MCTP2: variants seen among roughly 807,000 people sequenced by gnomAD.
MCTP2 encodes the protein multiple C2 and transmembrane domain containing 2, also known as multiple C2 and transmembrane domain-containing protein 2.
A neutral mutation model predicts 111.6 loss-of-function variants in MCTP2; 132 were observed. The observed-to-expected ratio is 1.18, with a 90% CI of 1.03 to 1.37. MCTP2 has a LOEUF of 1.37. Ranked by LOEUF, MCTP2 falls within the 40% of genes most tolerant of loss-of-function variation. MCTP2 has a pLI of 0.00. For synonymous variants in MCTP2, 395 were observed against 387.7 expected (o/e 1.02, Z -0.22); for missense variants, 1,183 against 1,067.9 (o/e 1.11, Z -1.50).
intron 4 of MCTP2, among the ~76,000 whole-genome samples, chr15:94,338,636 C>T (rs907918301): frequency 3.9e-5 from 6 of 152,064 alleles, no homozygotes; most frequent in African/African-American, 7.2e-5. Context: ...AGGGAGGAGC[C>T]GGGCGGGTCA....
chr15:94,375,779 A>G (rs1028981159), intron 12 of MCTP2, among the ~76,000 whole-genome samples: 12 of 152,222 alleles, frequency 7.9e-5, no homozygotes, highest in African/African-American at 2.7e-4. Flanking sequence ...AATCTAGGTT[A>G]TTATAAAGTA....
intron 12 of MCTP2, among the ~76,000 whole-genome samples, chr15:94,371,091 A>G (rs903539581): frequency 2.6e-5 from 4 of 151,820 alleles, no homozygotes; most frequent in Admixed American, 6.6e-5. Context: ...TCAGCGCATT[A>G]TATTACAGAA....
chr15:94,326,705 T>A (rs1207680169), intron 4 of MCTP2, among the ~76,000 whole-genome samples: 2 of 151,976 alleles, frequency 1.3e-5, no homozygotes, highest in African/African-American at 2.4e-5. Flanking sequence ...GTAGCTGGGA[T>A]TACAGGCATG....
At chr15:94,435,342 T>C (rs562849614) in intron 17 of MCTP2, among the ~76,000 whole-genome samples, 1 of 152,220 alleles carries the variant, frequency 6.6e-6, no homozygotes, top group African/African-American at 2.4e-5. Context: ...TAATAATCTT[T>C]CATAGTTTCC....
At chr15:94,477,909 A>T (rs1456879318) in intron 22 of MCTP2, among the ~76,000 whole-genome samples, 2 of 152,196 alleles carry the variant, frequency 1.3e-5, no homozygotes, top group African/African-American at 4.8e-5. Context: ...TTGAAGATTG[A>T]CAGGTATGTC....
At chr15:94,350,434 A>G (rs1052083609) in intron 8 of MCTP2, among the ~76,000 whole-genome samples, 9 of 152,150 alleles carry the variant, frequency 5.9e-5, no homozygotes, top group South Asian at 2.1e-4. Flanking sequence ...CTAAAAATAC[A>G]AAAAATACTC....
chr15:94,384,748 A>G (rs1383260851), intron 13 of MCTP2, among the ~76,000 whole-genome samples: 1 of 152,210 alleles, frequency 6.6e-6, no homozygotes, highest in African/African-American at 2.4e-5. Context: ...TTATAAGTGA[A>G]AAAATAAAGT....
chr15:94,333,470 T>A (rs74028566), intron 4 of MCTP2, among the ~76,000 whole-genome samples: 4,131 of 152,266 alleles, frequency 0.027, 165 homozygotes, highest in African/African-American at 0.094. Context: ...AGAAGTTGTT[T>A]GTAATTAGAG....
At chr15:94,433,582 T>C (rs1176605970) in intron 17 of MCTP2, among the ~76,000 whole-genome samples, 5 of 152,148 alleles carry the variant, frequency 3.3e-5, no homozygotes, top group Admixed American at 2.0e-4. Flanking sequence ...CTATGAACAT[T>C]TGTGGACAAG....
At chr15:94,424,804 A>G (rs1394887934) in intron 17 of MCTP2, among the ~76,000 whole-genome samples, 1 of 152,076 alleles carries the variant, frequency 6.6e-6, no homozygotes, top group Non-Finnish European at 1.5e-5. Flanking sequence ...TTTTATTATA[A>G]TACTTACACG....
chr15:94,386,089 A>G (rs150996558), intron 14 of MCTP2, among the ~76,000 whole-genome samples: 6 of 152,314 alleles, frequency 3.9e-5, no homozygotes, highest in South Asian at 2.1e-4. Flanking sequence ...CAGTCCAGCT[A>G]TAAGATAATG....
chr15:94,447,990 C>T (rs2152517446), intron 19 of MCTP2, among the ~76,000 whole-genome samples: 1 of 152,322 alleles, frequency 6.6e-6, no homozygotes, highest in South Asian at 2.1e-4. Flanking sequence ...GATGAAGTGA[C>T]TTAATTGCTA....
chr15:94,306,782 G>T lies in MCTP2; in HGVS notation c.466-7500G>T, dbSNP rs142894605. 3.4e-3 allele frequency among the ~76,000 whole-genome samples: 517 copies of T among 152,254 alleles called. 2 individuals carry two copies. The highest frequency in any genetic ancestry group is 0.011 in the African/African-American group (460 of 41,538). On this transcript the variant is annotated intron_variant, in intron 2 of 22. Transcript: ENST00000357742. Reference sequence around the variant, plus strand: ...ATAACTAGCTTTGGCATGCACTTACGTGGGTGAGTTGAGTGATTTAGAGAA... The same window carrying T: ...ATAACTAGCTTTGGCATGCACTTACTTGGGTGAGTTGAGTGATTTAGAGAA...
At chr15:94,394,629 G>A (rs900454898) in intron 14 of MCTP2, among the ~76,000 whole-genome samples, 1 of 152,022 alleles carries the variant, frequency 6.6e-6, no homozygotes, top group African/African-American at 2.4e-5. Flanking sequence ...GCTAGGTGTG[G>A]TGGCATGTGC....
intron 1 of MCTP2, among the ~76,000 whole-genome samples, chr15:94,248,566 G>C (rs114122639): frequency 6.6e-6 from 1 of 152,062 alleles, no homozygotes; most frequent in Non-Finnish European, 1.5e-5. Context: ...ATGTTCTTTC[G>C]CTTGTTGCTT....
At chr15:94,291,588 C>T (rs927677986) in intron 1 of MCTP2, among the ~76,000 whole-genome samples, 5 of 147,184 alleles carry the variant, frequency 3.4e-5, no homozygotes, top group African/African-American at 1.0e-4. Flanking sequence ...GCTACAAGAG[C>T]GAAACTCTGT....
chr15:94,392,916 A>G (rs1440145332), intron 14 of MCTP2, among the ~76,000 whole-genome samples: 4 of 152,150 alleles, frequency 2.6e-5, no homozygotes, highest in African/African-American at 9.6e-5. Flanking sequence ...AATAGTTCCT[A>G]TTGCATAGGA....
chr15:94,443,981 CAA>C (rs58768404), intron 19 of MCTP2, among the ~76,000 whole-genome samples: 4,858 of 69,154 alleles, frequency 0.07, 53 homozygotes, highest in East Asian at 0.18. Context: ...GATATTTTAC[CAA>C]AAAAAAAAAA....
intron 17 of MCTP2, chr15:94,403,203 G>C: frequency 1.0e-6 from 1 of 985,382 alleles, no homozygotes; most frequent in South Asian, 4.7e-5. Flanking sequence ...TTTTTCTGCT[G>C]TCTGAAGTTG....
Sources: allele counts gnomAD v4.1 joint callset (sites outside exome capture counted in the v4.1 genomes callset), GRCh38; gene constraint gnomAD v4.1.1; transcripts MANE v1.5; gene names NCBI Gene and HGNC (gene_info 2026-07-23, HGNC 2026-07-21).